The following EFCAB5 variants were observed in gnomAD, a reference collection of about 807,000 sequenced individuals.
The protein encoded by EFCAB5 is EF-hand calcium binding domain 5.
EFCAB5 carries 131 observed loss-of-function variants against 167.9 expected under a neutral mutation model. That is an observed-to-expected ratio of 0.78 (90% CI 0.68 to 0.90). The LOEUF (loss-of-function observed/expected upper bound fraction) is 0.90, where lower values mean the gene tolerates loss of function less well. EFCAB5 is among the 40% of genes least tolerant of loss of function. The pLI is 0.00. For missense variants in EFCAB5, 1,663 were observed against 1,745.2 expected, an observed-to-expected ratio of 0.95 and a Z score of 0.84; for synonymous variants, 574 against 602.8, an observed-to-expected ratio of 0.95 and a Z score of 0.70.
At chr17:30,097,146 T>C (rs1227725319) in intron 22 of EFCAB5, among the ~76,000 whole-genome samples, 1 of 150,976 alleles carries the variant, frequency 6.6e-6, no homozygotes, top group Non-Finnish European at 1.5e-5. Flanking sequence ...AACCTCTGCC[T>C]CCCAGGTTCA....
At chr17:30,010,410 T>C (rs2068870270) in intron 7 of EFCAB5, among the ~76,000 whole-genome samples, 1 of 152,234 alleles carries the variant, frequency 6.6e-6, no homozygotes, top group South Asian at 2.1e-4. Context: ...TGAACTAGTT[T>C]ACACTCCTAC....
In EFCAB5 at chr17:30,057,850, A is replaced by T. The variant is rs535743108; in HGVS notation, c.2540A>T (p.Tyr847Phe). 8.9e-5 allele frequency: 143 copies of T among 1,613,800 alleles called. No individual in the cohort carries two copies. The highest frequency in any genetic ancestry group is 1.1e-4 in the Non-Finnish European group (135 of 1,179,726). ...CTCACCTCCTTTTTTAAGGAGGGCT[A>T]TGTTGAAACAGAACAAGAGAAAATG... ...ETLTSFFKEGYVETEQEKMNA... is the reference protein window; with the variant it reads ...ETLTSFFKEGFVETEQEKMNA... Residue 847 changes from tyrosine to phenylalanine, a missense_variant, in exon 13 of 23, where the codon TAT becomes TTT. Physicochemically the swap from Tyr to Phe is conservative, Grantham distance 22. Coordinates refer to ENST00000394835, the MANE Select transcript of EFCAB5 (RefSeq NM_198529.4).
At chr17:30,089,819 T>A (rs2071159964) in intron 19 of EFCAB5, among the ~76,000 whole-genome samples, 3 of 152,102 alleles carry the variant, frequency 2.0e-5, no homozygotes, top group African/African-American at 7.2e-5. Flanking sequence ...AAAAAACCCC[T>A]CCCTTTGCCT....
At chr17:30,011,053 A>G (rs893740521) in intron 7 of EFCAB5, among the ~76,000 whole-genome samples, 1 of 152,190 alleles carries the variant, frequency 6.6e-6, no homozygotes, top group Non-Finnish European at 1.5e-5. Context: ...TTAAATAGGG[A>G]ATCCTTTCCC....
intron 3 of EFCAB5, among the ~76,000 whole-genome samples, chr17:29,956,485 C>G (rs879667455): frequency 6.6e-6 from 1 of 152,262 alleles, no homozygotes; most frequent in Non-Finnish European, 1.5e-5. Context: ...GAACAGCTGA[C>G]TGTCTGTGGT....
At chr17:30,011,730 T>C (rs536501932) in intron 7 of EFCAB5, among the ~76,000 whole-genome samples, 2 of 152,316 alleles carry the variant, frequency 1.3e-5, no homozygotes, top group Admixed American at 6.5e-5. Flanking sequence ...GTTTTCTAAA[T>C]ATACAATCGT....
At chr17:30,051,937 A>G (rs1465980171) in intron 9 of EFCAB5, among the ~76,000 whole-genome samples, 1 of 152,070 alleles carries the variant, frequency 6.6e-6, no homozygotes, top group African/African-American at 2.4e-5. Flanking sequence ...TGTTATTTCC[A>G]AAACAAGTAC....
intron 14 of EFCAB5, among the ~76,000 whole-genome samples, chr17:30,062,684 G>A (rs1157092531): frequency 1.3e-5 from 2 of 152,066 alleles, no homozygotes; most frequent in Non-Finnish European, 2.9e-5. Flanking sequence ...CATCCCTGGG[G>A]CTAAGCCACC....
intron 7 of EFCAB5, among the ~76,000 whole-genome samples, chr17:30,029,145 A>G (rs578122685): frequency 2.4e-4 from 36 of 152,304 alleles, no homozygotes; most frequent in African/African-American, 7.9e-4. Context: ...AAAGTTTTGA[A>G]AAATCAGAAG....
In EFCAB5 at chr17:30,027,117, G is replaced by C. The variant is rs567461248; in HGVS notation, c.1045-7113G>C. Among the ~76,000 whole-genome samples the C allele has an allele frequency of 4.7e-5, 7 of 150,442 alleles. No individual in the cohort carries two copies. In the South Asian group the frequency reaches 1.3e-3, roughly 27 times the overall value. On this transcript the variant is annotated intron_variant, in intron 7 of 22. Transcript: ENST00000394835. ...TTCTCCTGCCTCAGCCTCCCAAGTA[G>C]TTGGGACTACAGGCGCTTGCCACCA...
intron 22 of EFCAB5, among the ~76,000 whole-genome samples, chr17:30,096,381 A>G (rs551153974): frequency 1.1e-4 from 16 of 152,196 alleles, no homozygotes; most frequent in African/African-American, 3.9e-4. Flanking sequence ...ACTTTTAAAA[A>G]TGAGCTTGAT....
At chr17:30,087,229 T>C in intron 19 of EFCAB5, 63 bp downstream of exon 19, 3 of 1,345,466 alleles carry the variant, frequency 2.2e-6, no homozygotes, top group Non-Finnish European at 2.1e-6. Context: ...ATAGTAGACC[T>C]GAAAGACACA....
chr17:30,036,634 C>T lies in EFCAB5; in HGVS notation c.1200+2249C>T, dbSNP rs114335224. 3.3e-3 allele frequency among the ~76,000 whole-genome samples: 504 copies of T among 152,042 alleles called. 1 individual carries two copies. The highest frequency in any genetic ancestry group is 0.012 in the African/African-American group (492 of 41,448). ...TTAGAAACAGAGTCCCACTATGTTG[C>T]CCAGGCTGTTCTTGATCTCCCAGCT... On this transcript the variant is annotated intron_variant, in intron 8 of 22. Coordinates refer to ENST00000394835, the MANE Select transcript of EFCAB5 (RefSeq NM_198529.4).
chr17:29,933,797 C>A (rs974777630), intron 1 of EFCAB5, among the ~76,000 whole-genome samples: 3 of 152,118 alleles, frequency 2.0e-5, no homozygotes, highest in African/African-American at 4.8e-5. Flanking sequence ...TTTCTCATAC[C>A]TACTAAAACC....
intron 22 of EFCAB5, among the ~76,000 whole-genome samples, chr17:30,105,283 T>G (rs1030344050): frequency 2.0e-5 from 3 of 151,916 alleles, no homozygotes; most frequent in East Asian, 1.9e-4. Flanking sequence ...GGTCACGAGT[T>G]CGAGACCAGC....
In EFCAB5 at chr17:30,107,843, G is replaced by T. The variant is rs752214047; in HGVS notation, c.4331G>T (p.Arg1444Leu). ...LIDEYIRDHSRTEVWKFGNVV... is the reference protein window; with the variant it reads ...LIDEYIRDHSLTEVWKFGNVV... The stretch of plus-strand genomic sequence containing the variant: ...TTTTTTCCTGATGCAGATCATTCCC[G>T]AACTGAAGTATGGAAATTTGGTAAT... Residue 1444 changes from arginine to leucine, a missense_variant, in exon 23 of 23, where the codon CGA (arginine) becomes CTA (leucine). By Grantham distance (102) the Arg-to-Leu change is moderately radical. Coordinates refer to ENST00000394835, the MANE Select transcript of EFCAB5 (RefSeq NM_198529.4). The T allele has an allele frequency of 6.4e-7, 1 of 1,565,472 alleles. No individual in the cohort carries two copies. The highest frequency in any genetic ancestry group is 1.2e-5 in the South Asian group (1 of 81,890).
chr17:29,978,656 C>T (rs4075014), intron 4 of EFCAB5, among the ~76,000 whole-genome samples: 57,889 of 152,002 alleles, frequency 0.38, 13,233 homozygotes, highest in East Asian at 0.69. Flanking sequence ...GTCAACTTCT[C>T]TCCAGCTAGG....
chr17:30,069,759 G>C (rs1479438118), intron 14 of EFCAB5: 4 of 702,094 alleles, frequency 5.7e-6, no homozygotes, highest in South Asian at 3.5e-5. Flanking sequence ...TTTTATCACA[G>C]AGCCATTTTA....
chr17:30,036,317 CACATAT>C, intron 8 of EFCAB5, among the ~76,000 whole-genome samples: 1 of 109,456 alleles, frequency 9.1e-6, no homozygotes, highest in Non-Finnish European at 1.7e-5. Flanking sequence ...ATATATAATA[CACATAT>C]ATAATATATA....
Sources: allele counts gnomAD v4.1 joint callset (sites outside exome capture counted in the v4.1 genomes callset), GRCh38; gene constraint gnomAD v4.1.1; transcripts MANE v1.5; gene names NCBI Gene and HGNC (gene_info 2026-07-23, HGNC 2026-07-21).